PDYN: variants seen among roughly 807,000 people sequenced by gnomAD.
PDYN encodes the protein prodynorphin, also known as proenkephalin-B.
A neutral mutation model predicts 11.4 loss-of-function variants in PDYN; 5 were observed. That is an observed-to-expected ratio of 0.44 (90% CI 0.23 to 0.92). The LOEUF is 0.92. PDYN is among the 40% of genes least tolerant of loss of function. The pLI, the probability that PDYN is intolerant of heterozygous loss-of-function variation, is 0.24. For synonymous variants in PDYN, 132 were observed against 129.5 expected (o/e 1.02, Z -0.13); for missense variants, 337 against 317.3 (o/e 1.06, Z -0.47).
At chr20:1,989,618 C>G (rs184279361) in intron 2 of PDYN, among the ~76,000 whole-genome samples, 15 of 152,244 alleles carry the variant, frequency 9.9e-5, no homozygotes, top group African/African-American at 3.6e-4. Flanking sequence ...ATTTAAAAAG[C>G]CAGCATGGAA....
intron 2 of PDYN, among the ~76,000 whole-genome samples, chr20:1,991,847 A>T (rs1988463040): frequency 6.6e-6 from 1 of 152,158 alleles, no homozygotes; most frequent in South Asian, 2.1e-4. Context: ...AGACTTCATG[A>T]TCCTGATGCA....
intron 2 of PDYN, among the ~76,000 whole-genome samples, chr20:1,987,118 C>T (rs530174754): frequency 3.3e-5 from 5 of 152,114 alleles, no homozygotes; most frequent in South Asian, 2.1e-4. Flanking sequence ...CATGAAGGGA[C>T]GTAAGGGAGA....
rs1987637026 is a variant in PDYN at position 1,980,148 on chromosome 20, C to T, written c.*175G>A. 1.1e-5 allele frequency: 8 copies of T among 733,202 alleles called. No individual in the cohort carries two copies. The South Asian group carries it at 1.3e-4, about 12-fold the overall frequency. 45.4% of individuals were successfully genotyped at this position (733,202 alleles called of 1,614,324 possible). On this transcript the variant is annotated 3_prime_UTR_variant, in exon 4 of 4. Transcript: ENST00000217305. ...GACATCCACCCTTCCCCATCACAGA[C>T]CCCAGAGAAATAACATACTCCCACG...
chr20:1,981,516 A>T (rs1191039093), intron 3 of PDYN, among the ~76,000 whole-genome samples: 1 of 152,022 alleles, frequency 6.6e-6, no homozygotes, highest in Admixed American at 6.6e-5. Flanking sequence ...TGGAACTTGA[A>T]CCCAGGCCGT....
At chr20:1,991,232 G>T (rs770246873) in intron 2 of PDYN, among the ~76,000 whole-genome samples, 2 of 152,318 alleles carry the variant, frequency 1.3e-5, no homozygotes, top group South Asian at 4.1e-4. Flanking sequence ...TCAGTAAACC[G>T]CTGTCAAGTT....
chr20:1,983,459 C>T (rs1987961295), intron 2 of PDYN, among the ~76,000 whole-genome samples: 2 of 152,246 alleles, frequency 1.3e-5, no homozygotes, highest in Non-Finnish European at 2.9e-5. Context: ...CCACGACTTG[C>T]TCTGGGTCTT....
intron 1 of PDYN, among the ~76,000 whole-genome samples, chr20:1,993,167 C>T (rs1988524566): frequency 6.6e-6 from 1 of 150,792 alleles, no homozygotes; most frequent in Non-Finnish European, 1.5e-5. Flanking sequence ...ATGGCTTTCC[C>T]TTTGAGCCTC....
At position 1,980,886 on chromosome 20, in the gene PDYN, A is replaced by G; in HGVS notation, c.202T>C (p.Phe68Leu). Residue 68 changes from phenylalanine to leucine, a missense_variant, in exon 4 of 4, where the codon TTT becomes CTT. By Grantham distance (22) the Phe-to-Leu change is conservative. Transcript: ENST00000217305. ...AGCCCAAGGGTGGAGGGGGTGAAAA[A>G]AGACAGAAAGCTCTGGCATCTCTCC... ...EWERCQSFLSFFTPSTLGLND... is the reference protein window; with the variant it reads ...EWERCQSFLSLFTPSTLGLND... The G allele has an allele frequency of 2.5e-6, 4 of 1,614,168 alleles. No homozygotes were observed. The highest frequency in any genetic ancestry group is 3.4e-6 in the Non-Finnish European group (4 of 1,180,024).
chr20:1,987,451 C>T (rs1281124426), intron 2 of PDYN, among the ~76,000 whole-genome samples: 1 of 152,160 alleles, frequency 6.6e-6, no homozygotes, highest in Non-Finnish European at 1.5e-5. Flanking sequence ...GCCTGTATTC[C>T]AATATGGCAA....
In PDYN at chr20:1,980,522, A is replaced by C. The variant is rs773424079; in HGVS notation, c.566T>G (p.Val189Gly). 4.3e-6 allele frequency: 7 copies of C among 1,612,118 alleles called. No individual in the cohort carries two copies. The African/African-American group carries it at 9.4e-5, about 22-fold the overall frequency. The change falls in exon 4 of 4, where the codon GTG (valine) becomes GGG (glycine). Residue 189 changes from valine (V) to glycine (G), a missense_variant. Transcript: ENST00000217305. ...GCTATCCCCGTCCCCCTCCCCAGCC[A>C]CCTCTGAGCTCCTCTTGGGGTATTT... is the stretch of plus-strand genomic sequence containing the variant. ...LRKYPKRSSE[V>G]AGEGDGDSMG...
In PDYN at chr20:1,983,104, C is replaced by G. The variant is rs769835663; in HGVS notation, c.-19-1G>C. On this transcript the variant is annotated splice_acceptor_variant, in intron 2 of 3. Transcript: ENST00000217305. LOFTEE classifies it low-confidence loss of function (5UTR_SPLICE). ...GGCCATCCTGTCTCAGCAATTCCTG[C>G]TGGGGAGGAAGAAAGAGAAGATAAT... 164 of 1,611,688 alleles carry G rather than the reference C, an allele frequency of 1.0e-4. 1 individual carries two copies. The highest frequency in any genetic ancestry group is 8.2e-4 in the Middle Eastern group (5 of 6,078).
At chr20:1,993,438 G>A (rs1395740725) in intron 1 of PDYN, among the ~76,000 whole-genome samples, 1 of 152,198 alleles carries the variant, frequency 6.6e-6, no homozygotes. Flanking sequence ...GTACATTGAT[G>A]TACATGTTAT....
intron 2 of PDYN, among the ~76,000 whole-genome samples, chr20:1,987,321 C>T (rs1213614944): frequency 6.6e-6 from 1 of 152,074 alleles, no homozygotes; most frequent in Non-Finnish European, 1.5e-5. Context: ...AGAGCAGGAG[C>T]TGCACACCAA....
At chr20:1,990,544 C>T (rs1338614798) in intron 2 of PDYN, among the ~76,000 whole-genome samples, 1 of 152,144 alleles carries the variant, frequency 6.6e-6, no homozygotes, top group Non-Finnish European at 1.5e-5. Context: ...ACACTTTAGC[C>T]TGGCAAAGAT....
chr20:1,986,880 T>A (rs1205106550), intron 2 of PDYN, among the ~76,000 whole-genome samples: 2 of 152,164 alleles, frequency 1.3e-5, no homozygotes, highest in Admixed American at 6.5e-5. Flanking sequence ...ACTCATCCAC[T>A]CCCATCACAC....
intron 3 of PDYN, among the ~76,000 whole-genome samples, chr20:1,981,241 C>T (rs1286402824): frequency 6.6e-6 from 1 of 152,208 alleles, no homozygotes; most frequent in Non-Finnish European, 1.5e-5. Context: ...TAGTGTTCTG[C>T]GTGCTCACCT....
intron 3 of PDYN, 98 bp from the exon 4 acceptor site, chr20:1,981,056 G>T: frequency 7.6e-7 from 1 of 1,322,432 alleles, no homozygotes; most frequent in Non-Finnish European, 1.1e-6. Context: ...AAACCAAAAT[G>T]AACGCCACTG....
In PDYN at chr20:1,980,916, C is replaced by T. The variant is rs757917060; in HGVS notation, c.172G>A (p.Glu58Lys). The T allele has an allele frequency of 1.2e-6, 2 of 1,614,186 alleles. No homozygotes were observed. The highest frequency in any genetic ancestry group is 1.1e-5 in the South Asian group (1 of 91,084). ...AGAAAGCTCTGGCATCTCTCCCATTCCTCAGAGGGCAGCAGGGCAGCCTGG... is the reference window on the plus strand; with the variant it reads ...AGAAAGCTCTGGCATCTCTCCCATTTCTCAGAGGGCAGCAGGGCAGCCTGG... ...QCQAALLPSE[E>K]WERCQSFLSF... The change falls in exon 4 of 4, where the codon GAA becomes AAA. Residue 58 changes from glutamate to lysine, a missense_variant. Glu to Lys is a moderately conservative substitution (Grantham distance 56). Coordinates refer to ENST00000217305, the MANE Select transcript of PDYN (RefSeq NM_024411.5).
chr20:1,983,040 G>T lies in PDYN; in HGVS notation c.45C>A (p.Phe15Leu). ...ACAGGCAGTCCGCTGTGGTGGAGGG[G>T]AACATGAGGAGGCAGGCAGCCAGGA... ...GLVLAACLLM[F>L]PSTTADCLSR... The change falls in exon 3 of 4, where the codon TTC becomes TTA. Residue 15 changes from phenylalanine (F) to leucine (L), a missense_variant. Physicochemically the swap from Phe to Leu is conservative, Grantham distance 22 (BLOSUM62 0). Transcript: ENST00000217305. The T allele has an allele frequency of 3.1e-6, 5 of 1,613,878 alleles. No individual in the cohort carries two copies. Among genetic ancestry groups the T allele is most frequent in the Middle Eastern group, 1.6e-4 (1 of 6,062 alleles).
Sources: allele counts gnomAD v4.1 joint callset (sites outside exome capture counted in the v4.1 genomes callset), GRCh38; gene constraint gnomAD v4.1.1; transcripts MANE v1.5; gene names NCBI Gene and HGNC (gene_info 2026-07-23, HGNC 2026-07-21).